Variants in CCSER1 observed in about 807,000 individuals in gnomAD.
CCSER1 encodes the protein serine-rich coiled-coil domain-containing protein 1.
A neutral mutation model predicts 82.0 loss-of-function variants in CCSER1; 41 were observed. That is an observed-to-expected ratio of 0.50 (90% CI 0.39 to 0.65). CCSER1 has a LOEUF of 0.65. CCSER1 is among the 30% of genes least tolerant of loss of function. The pLI is 0.00. For synonymous variants in CCSER1, 414 were observed against 383.9 expected (o/e 1.08, Z -0.92); for missense variants, 1,119 against 1,064.2 (o/e 1.05, Z -0.72).
intron 10 of CCSER1, among the ~76,000 whole-genome samples, chr4:91,376,474 A>G (rs1426787169): frequency 6.6e-6 from 1 of 152,210 alleles, no homozygotes; most frequent in Non-Finnish European, 1.5e-5. Flanking sequence ...GACCACTGTC[A>G]CATATGTGGT....
At chr4:90,127,997 A>T (rs1265994915) in intron 1 of CCSER1, among the ~76,000 whole-genome samples, 166 bp downstream of exon 1, 2 of 151,734 alleles carry the variant, frequency 1.3e-5, no homozygotes, top group Admixed American at 6.6e-5. Flanking sequence ...CTCGGCGCAG[A>T]GACCTGGCCT....
At chr4:91,320,116 A>G (rs1409409347) in intron 10 of CCSER1, among the ~76,000 whole-genome samples, 1 of 152,000 alleles carries the variant, frequency 6.6e-6, no homozygotes, top group Non-Finnish European at 1.5e-5. Flanking sequence ...CAGTGCTTGT[A>G]TTCAGATCAC....
chr4:90,948,732 G>A (rs1732556550), intron 9 of CCSER1, among the ~76,000 whole-genome samples: 1 of 151,900 alleles, frequency 6.6e-6, no homozygotes, highest in African/African-American at 2.4e-5. Flanking sequence ...TAAAATATCA[G>A]ACTATTAAGT....
chr4:90,764,366 C>A (rs1338579328), intron 7 of CCSER1, among the ~76,000 whole-genome samples: 2 of 152,176 alleles, frequency 1.3e-5, no homozygotes, highest in Non-Finnish European at 2.9e-5. Context: ...AGCCATTCAT[C>A]TGCTATACAG....
At chr4:90,207,126 T>G (rs1334398588) in intron 1 of CCSER1, among the ~76,000 whole-genome samples, 1 of 152,156 alleles carries the variant, frequency 6.6e-6, no homozygotes. Context: ...CCCATGAATC[T>G]TGACTCTTTA....
At chr4:90,185,018 G>T (rs1734358147) in intron 1 of CCSER1, among the ~76,000 whole-genome samples, 1 of 152,044 alleles carries the variant, frequency 6.6e-6, no homozygotes, top group South Asian at 2.1e-4. Flanking sequence ...ATAGGAGTGA[G>T]GATAATCACC....
chr4:91,116,337 G>C (rs374351206), intron 10 of CCSER1, among the ~76,000 whole-genome samples: 1 of 152,142 alleles, frequency 6.6e-6, no homozygotes, highest in African/African-American at 2.4e-5. Flanking sequence ...GAAAATCCAG[G>C]AACTCACAGT....
intron 3 of CCSER1, among the ~76,000 whole-genome samples, chr4:90,318,384 G>A (rs1375827060): frequency 1.3e-5 from 2 of 152,094 alleles, no homozygotes; most frequent in African/African-American, 4.8e-5. Context: ...TTGCAAAGTT[G>A]CCCTGTACTA....
At chr4:91,099,030 C>T (rs551381346) in intron 10 of CCSER1, among the ~76,000 whole-genome samples, 1 of 152,206 alleles carries the variant, frequency 6.6e-6, no homozygotes, top group South Asian at 2.1e-4. Flanking sequence ...TATTTTATAG[C>T]CTTGTGCATT....
intron 5 of CCSER1, among the ~76,000 whole-genome samples, chr4:90,493,096 CACGAGAACT>C (rs1327343925): frequency 1.3e-5 from 2 of 152,108 alleles, no homozygotes; most frequent in Admixed American, 1.3e-4. Flanking sequence ...AAAAACATGG[CACGAGAACT>C]ACGTGATGAA....
chr4:91,593,858 T>C (rs1324655355), intron 10 of CCSER1, among the ~76,000 whole-genome samples: 2 of 152,196 alleles, frequency 1.3e-5, no homozygotes, highest in Admixed American at 6.6e-5. Context: ...GTTTTGTTTT[T>C]CATTTCTTAG....
At position 90,460,257 on chromosome 4, in the gene CCSER1, G is replaced by A. The variant is rs993596889; in HGVS notation, c.1604-7977G>A. Among the ~76,000 whole-genome samples the A allele has an allele frequency of 7.8e-5, 11 of 141,814 alleles. No individual in the cohort carries two copies. The East Asian group carries it at 1.9e-3, about 24-fold the overall frequency. 93.0% of individuals were successfully genotyped at this position (141,814 alleles called of 152,430 possible). A position where few individuals can be genotyped will look rare whatever the true frequency, so the allele number is the denominator to read the frequency against. ...GGAGAATGGCGTGAACCCGGGAGGC[G>A]GAGCTTGCAGTGAGTCGAGATCGCG... is the stretch of plus-strand genomic sequence containing the variant. On this transcript the variant is annotated intron_variant, in intron 4 of 10. Coordinates refer to ENST00000509176, the MANE Select transcript of CCSER1 (RefSeq NM_001145065.2).
chr4:91,001,648 T>A (rs1738047840), intron 9 of CCSER1, among the ~76,000 whole-genome samples: 1 of 152,162 alleles, frequency 6.6e-6, no homozygotes, highest in Non-Finnish European at 1.5e-5. Context: ...TTTGAGTCCC[T>A]ACGTGTTAGG....
At chr4:90,354,579 A>T (rs1036652886) in intron 3 of CCSER1, among the ~76,000 whole-genome samples, 1 of 152,170 alleles carries the variant, frequency 6.6e-6, no homozygotes, top group Non-Finnish European at 1.5e-5. Flanking sequence ...ATATCAAATC[A>T]TCATATTGTA....
At chr4:90,997,270 G>C (rs1561456539) in intron 9 of CCSER1, among the ~76,000 whole-genome samples, 1 of 152,002 alleles carries the variant, frequency 6.6e-6, no homozygotes, top group African/African-American at 2.4e-5. Context: ...CATCTTCAAA[G>C]CCAGCAGCAC....
intron 4 of CCSER1, among the ~76,000 whole-genome samples, chr4:90,452,479 G>A (rs1248534339): frequency 6.6e-6 from 1 of 152,132 alleles, no homozygotes; most frequent in Non-Finnish European, 1.5e-5. Flanking sequence ...AATACCTCTG[G>A]TTGCAAAGCT....
At position 91,599,019 on chromosome 4, in the gene CCSER1, A is replaced by G. The variant is rs1466740573; in HGVS notation, c.2665A>G (p.Ser889Gly). Reference protein sequence around the residue: ...KNVFLHHNLHSTELQTLGQQD... With the variant: ...KNVFLHHNLHGTELQTLGQQD... The stretch of plus-strand genomic sequence containing the variant: ...TGTGTTTCTCCACCACAATTTACAC[A>G]GCACTGAGCTGCAAACTCTAGGCCA... The change falls in exon 11 of 11, where the codon AGC becomes GGC. Residue 889 changes from serine (S) to glycine (G), a missense_variant. By Grantham distance (56) the Ser-to-Gly change is moderately conservative. Coordinates refer to ENST00000509176, the MANE Select transcript of CCSER1 (RefSeq NM_001145065.2). The G allele has an allele frequency of 6.5e-7, 1 of 1,549,340 alleles. No individual in the cohort carries two copies. Among genetic ancestry groups the G allele is most frequent in the African/African-American group, 1.4e-5 (1 of 73,122 alleles).
intron 5 of CCSER1, among the ~76,000 whole-genome samples, chr4:90,481,808 C>G (rs1277003241): frequency 6.6e-6 from 1 of 152,148 alleles, no homozygotes; most frequent in Non-Finnish European, 1.5e-5. Flanking sequence ...TAATGTTCAT[C>G]AAGGATATTG....
chr4:90,207,432 T>TTAGA (rs1739082023), intron 1 of CCSER1, among the ~76,000 whole-genome samples: 1 of 152,180 alleles, frequency 6.6e-6, no homozygotes, highest in African/African-American at 2.4e-5. Context: ...TTGCATTGGG[T>TTAGA]TAGAACATGC....
Sources: allele counts gnomAD v4.1 joint callset (sites outside exome capture counted in the v4.1 genomes callset), GRCh38; gene constraint gnomAD v4.1.1; transcripts MANE v1.5; gene names NCBI Gene and HGNC (gene_info 2026-07-23, HGNC 2026-07-21).